The following PRSS55 variants were observed in gnomAD, a reference collection of about 807,000 sequenced individuals.
PRSS55 encodes the protein serine protease 55.
Under a neutral mutation model 23.6 loss-of-function variants are expected in PRSS55, and 41 were observed. The ratio of observed to expected loss-of-function variants is 1.74; its 90% CI spans 1.35 to 2.26. PRSS55 has a LOEUF of 2.26. Among genes scored for constraint, PRSS55 ranks in the 30% most tolerant of loss-of-function variants. The pLI, the probability that PRSS55 is intolerant of heterozygous loss-of-function variation, is 0.00. For missense variants in PRSS55, 669 were observed against 439.1 expected (o/e 1.52, Z -4.68); for synonymous variants, 262 against 175.5 (o/e 1.49, Z -3.90).
chr8:10,533,215 G>A (rs1481644945), intron 4 of PRSS55, among the ~76,000 whole-genome samples, 167 bp downstream of exon 4: 2 of 152,186 alleles, frequency 1.3e-5, no homozygotes, highest in Non-Finnish European at 2.9e-5. Flanking sequence ...AGATCCTCTG[G>A]AGCTGTGAGT....
chr8:10,548,621 G>T (rs1270585833), intron 4 of PRSS55, among the ~76,000 whole-genome samples: 1 of 152,094 alleles, frequency 6.6e-6, no homozygotes, highest in Admixed American at 6.5e-5. Context: ...CTTAGCCCCG[G>T]CCATTCCCCC....
chr8:10,532,049 G>C (rs1044382880), intron 3 of PRSS55, among the ~76,000 whole-genome samples: 2 of 152,136 alleles, frequency 1.3e-5, no homozygotes, highest in African/African-American at 4.8e-5. Context: ...GGGCCCGCTG[G>C]ACTGTCCCCC....
intron 4 of PRSS55, among the ~76,000 whole-genome samples, chr8:10,534,509 A>G (rs538714579): frequency 6.6e-6 from 1 of 152,148 alleles, no homozygotes; most frequent in Non-Finnish European, 1.5e-5. Context: ...AGAGTAATAT[A>G]ACAAAGGTAG....
intron 3 of PRSS55, among the ~76,000 whole-genome samples, chr8:10,531,865 G>GT (rs1812279318): frequency 6.6e-6 from 1 of 152,192 alleles, no homozygotes; most frequent in Admixed American, 6.5e-5. Flanking sequence ...ATTCCCACGG[G>GT]TATGTTTCCT....
chr8:10,532,938 A>T lies in PRSS55; in HGVS notation c.631A>T (p.Lys211Ter). The change falls in exon 4 of 5, where the codon AAA (lysine) becomes TAA (stop). Residue 211 changes from lysine to a stop codon, truncating the protein, a stop_gained. Coordinates refer to ENST00000328655, the MANE Select transcript of PRSS55 (RefSeq NM_198464.4). LOFTEE classifies it high-confidence loss of function. ...DKNSVKTDLMKAPMVIMDWEE... is the reference protein window; with the variant it reads ...DKNSVKTDLM ...AAACTCTGTGAAAACGGATCTGATG[A>T]AAGCGCCAATGGTCATCATGGACTG... 5.0e-6 allele frequency: 8 copies of T among 1,614,206 alleles called. No individual in the cohort carries two copies. Among genetic ancestry groups the T allele is most frequent in the Non-Finnish European group, 5.9e-6 (7 of 1,180,028 alleles).
chr8:10,547,683 C>T (rs1415246922), intron 4 of PRSS55: 1 of 152,044 alleles, frequency 6.6e-6, no homozygotes, highest in Non-Finnish European at 1.5e-5. Context: ...ACTCCTTTTT[C>T]CTCCTTTTCT....
intron 1 of PRSS55, among the ~76,000 whole-genome samples, chr8:10,527,415 A>T (rs997141038): frequency 6.6e-6 from 1 of 152,248 alleles, no homozygotes; most frequent in Non-Finnish European, 1.5e-5. Context: ...TGGAGCTTAC[A>T]TTCTGGTACC....
intron 4 of PRSS55, among the ~76,000 whole-genome samples, chr8:10,551,601 C>T (rs1381401388): frequency 6.6e-6 from 1 of 152,340 alleles, no homozygotes; most frequent in East Asian, 1.9e-4. Context: ...AGGGGCACCC[C>T]ACAGAGGGGC....
chr8:10,549,690 T>C (rs979942561), intron 4 of PRSS55, among the ~76,000 whole-genome samples: 9 of 152,288 alleles, frequency 5.9e-5, no homozygotes, highest in Non-Finnish European at 1.2e-4. Context: ...GTTCCAACGC[T>C]CAGTGCCCCT....
chr8:10,540,537 C>A (rs926327906), downstream of PRSS55: 1 of 152,138 alleles, frequency 6.6e-6, no homozygotes, highest in African/African-American at 2.4e-5. Flanking sequence ...CACGGTGAAA[C>A]CCCGTCTCTA....
At chr8:10,525,801 G>T (rs548884018) in intron 1 of PRSS55, 62 bp downstream of exon 1, 3 of 1,507,090 alleles carry the variant, frequency 2.0e-6, no homozygotes, top group Non-Finnish European at 2.7e-6. Context: ...TGGCTGCCAG[G>T]AGGGTGGATC....
intron 1 of PRSS55, among the ~76,000 whole-genome samples, chr8:10,526,736 A>G (rs1812038155): frequency 6.6e-6 from 1 of 152,218 alleles, no homozygotes; most frequent in Admixed American, 6.5e-5. Flanking sequence ...CTGCCAGTTC[A>G]TTCTGGAGAG....
At chr8:10,543,413 C>CT (rs1554584922), downstream of PRSS55, among the ~76,000 whole-genome samples, 1 of 76,484 alleles carries the variant, frequency 1.3e-5, no homozygotes. Flanking sequence ...TTCTTTCTTT[C>CT]TTCTTTCTTT....
In PRSS55 at chr8:10,553,891, CAATA is replaced by C. The variant is rs1162735636; in HGVS notation, c.742-47_742-44del. The C allele has an allele frequency of 2.4e-6, 3 of 1,257,888 alleles. No homozygotes were observed. The African/African-American group carries it at 4.5e-5, about 19-fold the overall frequency. The allele number at this position is 1,257,888 out of a possible 1,614,324, so 77.9% of individuals were successfully genotyped here. On this transcript the variant is annotated intron_variant, in intron 4 of 4. Coordinates refer to the PRSS55 transcript ENST00000522210. ...ACATAAATCAAAGCACCACATTGTA[CAATA>C]AATACATAAAATTTTTTTAATTTGT...
At chr8:10,530,258 G>A (rs951913142) in intron 2 of PRSS55, among the ~76,000 whole-genome samples, 1 of 152,072 alleles carries the variant, frequency 6.6e-6, no homozygotes, top group East Asian at 1.9e-4. Flanking sequence ...TCAGGAGTTC[G>A]GTGGTCAGGA....
chr8:10,554,033 T>C, exon 5 of PRSS55: 3 of 1,521,642 alleles, frequency 2.0e-6, no homozygotes, highest in South Asian at 2.5e-5. Context: ...GCAAAACTGA[T>C]GCTTTGCTCT....
chr8:10,553,524 G>C (rs1240834227), intron 4 of PRSS55, among the ~76,000 whole-genome samples: 1 of 152,128 alleles, frequency 6.6e-6, no homozygotes, highest in African/African-American at 2.4e-5. Flanking sequence ...GAGGACATTA[G>C]ACTAAGTGAA....
At chr8:10,529,795 G>C in intron 2 of PRSS55, 96 bp downstream of exon 2, 1 of 1,212,728 alleles carries the variant, frequency 8.2e-7, no homozygotes, top group East Asian at 2.3e-5. Flanking sequence ...AGGAACCTGC[G>C]ACTGCTCGGT....
chr8:10,543,272 C>T (rs1366112160), downstream of PRSS55, among the ~76,000 whole-genome samples: 5 of 152,026 alleles, frequency 3.3e-5, no homozygotes, highest in African/African-American at 1.2e-4. Flanking sequence ...AATGTAAGCC[C>T]GGAGCTTCTG....
Sources: allele counts gnomAD v4.1 joint callset (sites outside exome capture counted in the v4.1 genomes callset), GRCh38; gene constraint gnomAD v4.1.1; transcripts MANE v1.5; gene names NCBI Gene and HGNC (gene_info 2026-07-23, HGNC 2026-07-21).